KCNQ1: variants seen among roughly 807,000 people sequenced by gnomAD.
KCNQ1 encodes the protein potassium voltage-gated channel subfamily Q member 1.
Under a neutral mutation model 72.4 loss-of-function variants are expected in KCNQ1, and 49 were observed. That is an observed-to-expected ratio of 0.68 (90% CI 0.54 to 0.86). KCNQ1 has a LOEUF of 0.86. KCNQ1 is among the 40% of genes least tolerant of loss of function. The probability of loss-of-function intolerance (pLI) is 0.00; values close to 1 mark genes in which losing one functional copy is unlikely to be tolerated. For synonymous variants in KCNQ1, 450 were observed against 412.6 expected, an observed-to-expected ratio of 1.09 and a Z score of -1.10; for missense variants, 790 against 945.1, an observed-to-expected ratio of 0.84 and a Z score of 2.15.
At chr11:2,472,372 C>G (rs1846497686) in intron 1 of KCNQ1, among the ~76,000 whole-genome samples, 1 of 146,292 alleles carries the variant, frequency 6.8e-6, no homozygotes. Flanking sequence ...GTACCTATGT[C>G]TGTATAGGTG....
At position 2,674,598 on chromosome 11, in the gene KCNQ1, A is replaced by G; in HGVS notation, c.1514+12517A>G. On this transcript the variant is annotated intron_variant, in intron 11 of 15. Transcript: ENST00000155840. The surrounding 1 kb of genome is among the most constrained non-coding windows in gnomAD (Gnocchi z 5.9). ...ATGCTAGTTGTGTTGCCTTTTAAAT[A>G]GGCTCTGGCTTAAAACAGTCACAGC... 2.5e-6 allele frequency: 1 copy of G among 398,650 alleles called. No individual in the cohort carries two copies. The highest frequency in any genetic ancestry group is 4.4e-6 in the Non-Finnish European group (1 of 226,078). The allele number at this position is 398,650 out of a possible 1,614,324, so 24.7% of individuals were successfully genotyped here. A position where few individuals can be genotyped will look rare whatever the true frequency, so the allele number is the denominator to read the frequency against.
chr11:2,784,843 A>G lies in KCNQ1; in HGVS notation c.1794+6806A>G, dbSNP rs1479079790. On this transcript the variant is annotated intron_variant, in intron 15 of 15. Coordinates refer to ENST00000155840, the MANE Select transcript of KCNQ1 (RefSeq NM_000218.3). This position sits in a 1 kb window ranked among gnomAD's most constrained non-coding sequence, Gnocchi z 4.7. ...TTTGAATTAATTGTTCATTACTAGT[A>G]TATAGAAGTAACATTAAATTTTTAT... Among the ~76,000 whole-genome samples, 1 of 152,040 alleles carries G rather than the reference A, an allele frequency of 6.6e-6. No homozygotes were observed. The highest frequency in any genetic ancestry group is 1.5e-5 in the Non-Finnish European group (1 of 67,870).
Position 2,611,637 on chromosome 11 carries a change from A to G in KCNQ1, c.1393+22783A>G, listed in dbSNP as rs1328521535. On this transcript the variant is annotated intron_variant, in intron 10 of 15. Coordinates refer to ENST00000155840, the MANE Select transcript of KCNQ1 (RefSeq NM_000218.3). The surrounding 1 kb of genome is among the most constrained non-coding windows in gnomAD (Gnocchi z 5.3). ...AATGTGACTCTTATAGACCATATAT[A>G]TTTGGATCCTGCTTTTAAGGCAGTC... is the stretch of plus-strand genomic sequence containing the variant. 1.0e-5 allele frequency: 4 copies of G among 398,454 alleles called. No homozygotes were observed. The highest frequency in any genetic ancestry group is 4.4e-5 in the Admixed American group (1 of 22,714). 24.7% of individuals were successfully genotyped at this position (398,454 alleles called of 1,614,324 possible).
chr11:2,624,810 A>C lies in KCNQ1; in HGVS notation c.1393+35956A>C, dbSNP rs1849237682. The C allele has an allele frequency of 2.5e-6, 1 of 398,524 alleles. No homozygotes were observed. The highest frequency in any genetic ancestry group is 4.4e-6 in the Non-Finnish European group (1 of 226,042). The allele number at this position is 398,524 out of a possible 1,614,324, so 24.7% of individuals were successfully genotyped here. ...TATGTCTCTGATTTGACTATTCTAC[A>C]TACCTCATATAAGTGGAAACATACA... On this transcript the variant is annotated intron_variant, in intron 10 of 15. Transcript: ENST00000155840. This position sits in a 1 kb window ranked among gnomAD's most constrained non-coding sequence, Gnocchi z 4.9.
chr11:2,519,739 T>C (rs1014620316), intron 1 of KCNQ1, among the ~76,000 whole-genome samples: 6 of 151,818 alleles, frequency 4.0e-5, no homozygotes, highest in Admixed American at 3.9e-4. Context: ...TCATAAGTAA[T>C]GTATTAAATA....
At chr11:2,732,759 A>G (rs1456173727) in intron 11 of KCNQ1, among the ~76,000 whole-genome samples, 1 of 151,738 alleles carries the variant, frequency 6.6e-6, no homozygotes, top group Non-Finnish European at 1.5e-5. Flanking sequence ...GAACAAACAT[A>G]TTTATTGTGG....
chr11:2,722,538 T>G (rs1845686982), intron 11 of KCNQ1, among the ~76,000 whole-genome samples: 2 of 152,130 alleles, frequency 1.3e-5, no homozygotes, highest in African/African-American at 4.8e-5. Flanking sequence ...GGCCAGCATG[T>G]CAGCCACGGC....
chr11:2,686,084 G>C (rs1850485136), intron 11 of KCNQ1: 1 of 398,878 alleles, frequency 2.5e-6, no homozygotes, highest in Non-Finnish European at 4.4e-6. Flanking sequence ...GGCCAGCATT[G>C]AGTAGGCCTG....
rs983674652 is a variant in KCNQ1 at position 2,704,849 on chromosome 11, C to T, written c.1514+42768C>T. Reference sequence around the variant, plus strand: ...AGCCTAGTGCATGTATGACCACGAGCGAGCCCAAGGGAAGGACGGGTTTGG... The same window carrying T: ...AGCCTAGTGCATGTATGACCACGAGTGAGCCCAAGGGAAGGACGGGTTTGG... On this transcript the variant is annotated intron_variant, in intron 11 of 15. Transcript: ENST00000155840. This position sits in a 1 kb window ranked among gnomAD's most constrained non-coding sequence, Gnocchi z 4.3. Among the ~76,000 whole-genome samples, 6 of 152,116 alleles carry T rather than the reference C, an allele frequency of 3.9e-5. No homozygotes were observed. Among genetic ancestry groups the T allele is most frequent in the South Asian group, 2.1e-4 (1 of 4,832 alleles).
intron 6 of KCNQ1, among the ~76,000 whole-genome samples, chr11:2,582,535 G>T (rs1198415876): frequency 1.3e-5 from 2 of 152,218 alleles, no homozygotes; most frequent in Non-Finnish European, 2.9e-5. Context: ...GAAGCCCCAA[G>T]CCGGTAAATG....
chr11:2,659,571 T>G lies in KCNQ1; in HGVS notation c.1394-2390T>G. The G allele has an allele frequency of 2.5e-6, 1 of 398,584 alleles. No homozygotes were observed. 24.7% of individuals were successfully genotyped at this position (398,584 alleles called of 1,614,324 possible). On this transcript the variant is annotated intron_variant, in intron 10 of 15. Transcript: ENST00000155840. This position sits in a 1 kb window ranked among gnomAD's most constrained non-coding sequence, Gnocchi z 4.3. Reference sequence around the variant, plus strand: ...TGAGCAGAGTTACTATACACATTTATGTACAGGTTTTTGCGAACATAAAAA... The same window carrying G: ...TGAGCAGAGTTACTATACACATTTAGGTACAGGTTTTTGCGAACATAAAAA...
chr11:2,456,587 G>T (rs954714138), intron 1 of KCNQ1, among the ~76,000 whole-genome samples: 1 of 151,786 alleles, frequency 6.6e-6, no homozygotes, highest in African/African-American at 2.4e-5. Flanking sequence ...AGTCTACAAA[G>T]AATTAACAAA....
At position 2,491,094 on chromosome 11, in the gene KCNQ1, A is replaced by G. The variant is rs1213700056; in HGVS notation, c.387-36834A>G. Reference sequence around the variant, plus strand: ...ATGCAGATACGGCTTAGATCACAACACCCAAGTCCCTTTGAATACCTGGAA... The same window carrying G: ...ATGCAGATACGGCTTAGATCACAACGCCCAAGTCCCTTTGAATACCTGGAA... On this transcript the variant is annotated intron_variant, in intron 1 of 15. Transcript: ENST00000155840. The surrounding 1 kb of genome is among the most constrained non-coding windows in gnomAD (Gnocchi z 4.1). Among the ~76,000 whole-genome samples, 1 of 152,210 alleles carries G rather than the reference A, an allele frequency of 6.6e-6. No homozygotes were observed. Among genetic ancestry groups the G allele is most frequent in the Admixed American group, 6.5e-5 (1 of 15,282 alleles).
At chr11:2,796,147 T>C (rs951517891) in intron 15 of KCNQ1, among the ~76,000 whole-genome samples, 8 of 152,220 alleles carry the variant, frequency 5.3e-5, no homozygotes, top group African/African-American at 1.9e-4. Context: ...CCTCCCGGCA[T>C]GCATGAAAAC....
rs1223392262 is a variant in KCNQ1, at chr11:2,595,304, G to A, written c.1393+6450G>A. Among the ~76,000 whole-genome samples the A allele has an allele frequency of 6.6e-6, 1 of 152,138 alleles. No homozygotes were observed. Among genetic ancestry groups the A allele is most frequent in the African/African-American group, 2.4e-5 (1 of 41,434 alleles). On this transcript the variant is annotated intron_variant, in intron 10 of 15. Transcript: ENST00000155840. The surrounding 1 kb of genome is among the most constrained non-coding windows in gnomAD (Gnocchi z 5.0). Reference sequence around the variant, plus strand: ...AAGGTGGCAGATACAAGATTAATATGCAAAAATCAATTCCATTCATATATT... The same window carrying A: ...AAGGTGGCAGATACAAGATTAATATACAAAAATCAATTCCATTCATATATT...
chr11:2,749,689 TG>T (rs199596974), intron 11 of KCNQ1, among the ~76,000 whole-genome samples: 20,819 of 147,994 alleles, frequency 0.14, 1,713 homozygotes, highest in East Asian at 0.29. Context: ...GGCGGGCGCC[TG>T]TGGTCCCAGC....
At chr11:2,630,190 C>T (rs1284375670) in intron 10 of KCNQ1, 3 of 398,154 alleles carry the variant, frequency 7.5e-6, no homozygotes, top group Non-Finnish European at 1.3e-5. Flanking sequence ...TGATTTTTAT[C>T]TTTGATTTTA....
At chr11:2,582,104 G>C (rs1006364653) in intron 6 of KCNQ1, among the ~76,000 whole-genome samples, 1 of 152,224 alleles carries the variant, frequency 6.6e-6, no homozygotes, top group Non-Finnish European at 1.5e-5. Context: ...ATCACTGTTC[G>C]TTAACGTGCT....
chr11:2,733,814 A>ACACACACACACACACACACACC, intron 11 of KCNQ1, among the ~76,000 whole-genome samples: 1 of 86,610 alleles, frequency 1.2e-5, no homozygotes, highest in Non-Finnish European at 2.4e-5. Flanking sequence ...ACACACACAC[A>ACACACACACACACACACACACC]CTCTCTCACT....
Sources: gnomAD v4.1 joint callset for allele counts (sites outside exome capture counted in the v4.1 genomes callset) on GRCh38, gnomAD v4.1.1 for gene constraint, Gnocchi (gnomAD v3.1) non-coding constraint, MANE v1.5 for transcripts, NCBI Gene and HGNC (gene_info 2026-07-23, HGNC 2026-07-21) for gene names.